NFASC: variants seen among roughly 807,000 people sequenced by gnomAD.
NFASC encodes the protein neurofascin.
A neutral mutation model predicts 147.5 loss-of-function variants in NFASC; 43 were observed. The ratio of observed to expected loss-of-function variants is 0.29; its 90% CI spans 0.23 to 0.38. NFASC has a LOEUF of 0.38. Ranked by LOEUF, NFASC falls within the 10% of genes least tolerant of loss-of-function variation. The pLI, the probability that NFASC is intolerant of heterozygous loss-of-function variation, is 1.00. For missense variants in NFASC, 1,320 were observed against 1,689.0 expected (o/e 0.78, Z 3.83); for synonymous variants, 622 against 665.5 (o/e 0.93, Z 1.01).
At chr1:205,008,602 TCCCAAA>T (rs1312540125) in intron 27 of NFASC, 1 of 147,424 alleles carries the variant, frequency 6.8e-6, no homozygotes, top group African/African-American at 2.5e-5. Context: ...ACACCCCCCC[TCCCAAA>T]CCCAAACCCA....
At chr1:204,997,045 G>A (rs2095859447) in intron 24 of NFASC, 125 bp from the exon 25 acceptor site, 2 of 1,456,284 alleles carry the variant, frequency 1.4e-6, no homozygotes, top group Admixed American at 2.2e-5. Flanking sequence ...GTTATGCTTG[G>A]GGAGGCTCCT....
chr1:204,880,961 A>G (rs1398274395), intron 1 of NFASC, among the ~76,000 whole-genome samples: 3 of 152,178 alleles, frequency 2.0e-5, no homozygotes, highest in African/African-American at 7.2e-5. Flanking sequence ...CTAACCAGAG[A>G]AATGCCTGTC....
At chr1:204,920,278 G>A (rs2090166909) in intron 1 of NFASC, among the ~76,000 whole-genome samples, 1 of 152,060 alleles carries the variant, frequency 6.6e-6, no homozygotes, top group African/African-American at 2.4e-5. Context: ...GATGATTATG[G>A]GTAAATTCTC....
At chr1:204,881,057 C>T (rs1042439251) in intron 1 of NFASC, among the ~76,000 whole-genome samples, 5 of 152,202 alleles carry the variant, frequency 3.3e-5, no homozygotes, top group African/African-American at 2.4e-5. Context: ...ACTATGGATA[C>T]GGGCAACTGA....
At chr1:204,980,766 G>C (rs2095496162) in intron 20 of NFASC, among the ~76,000 whole-genome samples, 1 of 152,174 alleles carries the variant, frequency 6.6e-6, no homozygotes, top group African/African-American at 2.4e-5. Flanking sequence ...ACTGGGGTTA[G>C]ACTTTAGAAA....
At chr1:204,883,677 CAG>C (rs887086840) in intron 1 of NFASC, among the ~76,000 whole-genome samples, 1 of 152,200 alleles carries the variant, frequency 6.6e-6, no homozygotes, top group African/African-American at 2.4e-5. Flanking sequence ...GTCAGATTCC[CAG>C]GGAGTGGGCC....
chr1:204,983,372 A>G (rs543501263), intron 21 of NFASC, among the ~76,000 whole-genome samples: 19 of 152,256 alleles, frequency 1.2e-4, no homozygotes, highest in African/African-American at 4.3e-4. Flanking sequence ...AAAAGGAACT[A>G]TTTATAACGT....
intron 2 of NFASC, among the ~76,000 whole-genome samples, chr1:204,931,252 A>G (rs541150481): frequency 2.0e-5 from 3 of 152,212 alleles, no homozygotes; most frequent in Non-Finnish European, 4.4e-5. Flanking sequence ...CTCCATCCCA[A>G]TGAGGGATAA....
intron 2 of NFASC, among the ~76,000 whole-genome samples, chr1:204,942,566 A>T (rs1442749911): frequency 6.6e-6 from 1 of 152,228 alleles, no homozygotes; most frequent in Non-Finnish European, 1.5e-5. Flanking sequence ...AGTGGAGAGT[A>T]AATCAGAGGG....
At chr1:204,868,467 G>C (rs1369975582) in intron 1 of NFASC, among the ~76,000 whole-genome samples, 1 of 152,100 alleles carries the variant, frequency 6.6e-6, no homozygotes, top group African/African-American at 2.4e-5. Flanking sequence ...GCATTGGCAC[G>C]GGCTGTCCTC....
chr1:204,963,540 G>A (rs1171445062), intron 8 of NFASC, among the ~76,000 whole-genome samples: 3 of 152,208 alleles, frequency 2.0e-5, no homozygotes, highest in Non-Finnish European at 4.4e-5. Context: ...AGTGATTCCA[G>A]TCACTTAAAC....
intron 1 of NFASC, among the ~76,000 whole-genome samples, chr1:204,896,205 G>A (rs1025178998): frequency 5.9e-5 from 9 of 152,136 alleles, no homozygotes; most frequent in African/African-American, 1.7e-4. Flanking sequence ...AGTGGGAGGG[G>A]GAACATTGCA....
chr1:205,006,878 A>C lies in NFASC; in HGVS notation c.3290-2679A>C, dbSNP rs926785835. Among the ~76,000 whole-genome samples, 8 of 152,088 alleles carry C rather than the reference A, an allele frequency of 5.3e-5. No individual in the cohort carries two copies. The South Asian group carries it at 6.2e-4, about 12-fold the overall frequency. Reference sequence around the variant, plus strand: ...TGCATCCAAGGAGAGCTGTAGGAGGAGGCTCTGGGCTTACGGTTGTGGAGG... The same window carrying C: ...TGCATCCAAGGAGAGCTGTAGGAGGCGGCTCTGGGCTTACGGTTGTGGAGG... On this transcript the variant is annotated intron_variant, in intron 27 of 29. Coordinates refer to ENST00000339876, the MANE Select transcript of NFASC (RefSeq NM_001005388.3).
intron 21 of NFASC, among the ~76,000 whole-genome samples, chr1:204,982,933 G>T (rs964581381): frequency 1.3e-5 from 2 of 152,208 alleles, no homozygotes; most frequent in Non-Finnish European, 2.9e-5. Context: ...GGAGGGCTGG[G>T]CCCTGGGCCC....
chr1:204,959,708 G>T lies in NFASC; in HGVS notation c.706+1882G>T, dbSNP rs151229514. Among the ~76,000 whole-genome samples, 231 of 152,354 alleles carry T rather than the reference G, an allele frequency of 1.5e-3. 1 individual carries two copies. The highest frequency in any genetic ancestry group is 5.1e-3 in the African/African-American group (211 of 41,584). ...TTGACCTTCTGTCATCCTGGGCAGAGCCCATCACTGTCACACAGAGTAGAG... is the reference window on the plus strand; with the variant it reads ...TTGACCTTCTGTCATCCTGGGCAGATCCCATCACTGTCACACAGAGTAGAG... On this transcript the variant is annotated intron_variant, in intron 8 of 29. Transcript: ENST00000339876.
At chr1:204,882,437 A>C in intron 1 of NFASC, among the ~76,000 whole-genome samples, 2 of 148,678 alleles carry the variant, frequency 1.3e-5, no homozygotes, top group African/African-American at 2.5e-5. Flanking sequence ...TCCCCCCCTC[A>C]CCTCCCAGTT....
chr1:205,003,764 C>A (rs940277242), intron 27 of NFASC, among the ~76,000 whole-genome samples: 1 of 152,364 alleles, frequency 6.6e-6, no homozygotes, highest in East Asian at 1.9e-4. Flanking sequence ...TCCTCCTGCA[C>A]CTGGCCTGGC....
Position 204,974,745 on chromosome 1 carries a change from G to C in NFASC, c.1480G>C (p.Glu494Gln). The change falls in exon 14 of 30, where the codon GAG becomes CAG. Residue 494 changes from glutamate (E) to glutamine (Q), a missense_variant. By Grantham distance (29) the Glu-to-Gln change is conservative. Coordinates refer to ENST00000339876, the MANE Select transcript of NFASC (RefSeq NM_001005388.3). ...TCTGGAAATTAAGATGATCCGCAAA[G>C]AGGACCAGGGCATCTACACCTGTGT... ...GSLEIKMIRK[E>Q]DQGIYTCVAT... is the part of the protein sequence containing the mutation. 1 of 1,614,220 alleles carries C rather than the reference G, an allele frequency of 6.2e-7. No individual in the cohort carries two copies. The highest frequency in any genetic ancestry group is 8.5e-7 in the Non-Finnish European group (1 of 1,180,038).
chr1:204,955,383 G>T (rs1192225877), intron 7 of NFASC, among the ~76,000 whole-genome samples: 2 of 152,150 alleles, frequency 1.3e-5, no homozygotes, highest in African/African-American at 2.4e-5. Flanking sequence ...AGGAGAAATG[G>T]TTTTTCCAAT....
Sources: gnomAD v4.1 joint callset for allele counts (sites outside exome capture counted in the v4.1 genomes callset) on GRCh38, gnomAD v4.1.1 for gene constraint, MANE v1.5 for transcripts, NCBI Gene and HGNC (gene_info 2026-07-23, HGNC 2026-07-21) for gene names.